SNX8: variants seen among roughly 807,000 people sequenced by gnomAD.
SNX8 encodes the protein sorting nexin 8.
SNX8 carries 25 observed loss-of-function variants against 51.6 expected under a neutral mutation model. That is an observed-to-expected ratio of 0.48 (90% CI 0.35 to 0.68). SNX8 has a LOEUF of 0.68. Among genes scored for constraint, SNX8 ranks in the 30% least tolerant of loss-of-function variants. SNX8 has a pLI of 0.00. For synonymous variants in SNX8, 324 were observed against 277.0 expected (o/e 1.17, Z -1.68); for missense variants, 695 against 624.0 (o/e 1.11, Z -1.21).
At position 2,257,769 on chromosome 7, in the gene SNX8, A is replaced by G. The variant is rs1411209301; in HGVS notation, c.950T>C (p.Leu317Pro). ...KQEENDVVEK[L>P]NLFLDLLQSY... ...CTGCAGCAGATCCAAGAAGAGGTTC[A>G]GCTTCTCCACCACGTCGTTCTCTTC... The change falls in exon 8 of 11, where the codon CTG becomes CCG. Residue 317 changes from leucine (L) to proline (P), a missense_variant. Leu to Pro is a moderately conservative substitution (Grantham distance 98). Coordinates refer to ENST00000222990, the MANE Select transcript of SNX8 (RefSeq NM_013321.4). 2 of 1,613,928 alleles carry G rather than the reference A, an allele frequency of 1.2e-6. No individual in the cohort carries two copies. Among genetic ancestry groups the G allele is most frequent in the Non-Finnish European group, 1.7e-6 (2 of 1,179,986 alleles).
At chr7:2,306,275 A>G (rs984067122) in intron 1 of SNX8, among the ~76,000 whole-genome samples, 1 of 151,880 alleles carries the variant, frequency 6.6e-6, no homozygotes, top group South Asian at 2.1e-4. Flanking sequence ...TTACAGGCGC[A>G]TGCCACCAAG....
At chr7:2,286,982 T>C (rs1796044209) in intron 1 of SNX8, among the ~76,000 whole-genome samples, 1 of 150,688 alleles carries the variant, frequency 6.6e-6, no homozygotes, top group Admixed American at 6.6e-5. Context: ...CTACTAAACA[T>C]ACAAAAATTA....
chr7:2,314,361 C>G lies in SNX8; in HGVS notation c.61G>C (p.Glu21Gln). The G allele has an allele frequency of 8.2e-7, 1 of 1,224,256 alleles. No individual in the cohort carries two copies. Among genetic ancestry groups the G allele is most frequent in the Non-Finnish European group, 1.0e-6 (1 of 982,710 alleles). 75.8% of individuals were successfully genotyped at this position (1,224,256 alleles called of 1,614,324 possible). Reference sequence around the variant, plus strand: ...GGGGGATCCGCCTCCTCGTCAGCCTCCGCCTCAGCTGCCGCCCCGACTGCA... The same window carrying G: ...GGGGGATCCGCCTCCTCGTCAGCCTGCGCCTCAGCTGCCGCCCCGACTGCA... ...AAAVGAAAEAEADEEADPPAS... is the reference protein window; with the variant it reads ...AAAVGAAAEAQADEEADPPAS... Residue 21 changes from glutamate to glutamine, a missense_variant, in exon 1 of 11, where the codon GAG (glutamate) becomes CAG (glutamine). Coordinates refer to ENST00000222990, the MANE Select transcript of SNX8 (RefSeq NM_013321.4).
intron 1 of SNX8, among the ~76,000 whole-genome samples, chr7:2,321,201 C>T (rs10230223): frequency 0.029 from 4,336 of 152,028 alleles, 214 homozygotes; most frequent in African/African-American, 0.099. Context: ...CAGGTGGGAA[C>T]GTGAGGGCTG....
At chr7:2,325,484 G>T (rs1778606617) in intron 1 of SNX8, among the ~76,000 whole-genome samples, 1 of 152,076 alleles carries the variant, frequency 6.6e-6, no homozygotes, top group African/African-American at 2.4e-5. Flanking sequence ...ACAGACTCTT[G>T]GTAACAATAC....
intron 4 of SNX8, among the ~76,000 whole-genome samples, chr7:2,270,314 C>CTAAAA (rs559183262): frequency 1.8e-5 from 1 of 57,088 alleles, no homozygotes; most frequent in Non-Finnish European, 2.8e-5. Context: ...TCTCATTTTA[C>CTAAAA]AAAAAAAAAA....
At chr7:2,262,112 A>G (rs1795350950) in intron 7 of SNX8, among the ~76,000 whole-genome samples, 1 of 152,206 alleles carries the variant, frequency 6.6e-6, no homozygotes, top group African/African-American at 2.4e-5. Context: ...ATCATGGCTC[A>G]CTGAAGCCTC....
At chr7:2,311,002 T>C (rs1305040153) in intron 1 of SNX8, among the ~76,000 whole-genome samples, 2 of 152,200 alleles carry the variant, frequency 1.3e-5, no homozygotes, top group Admixed American at 6.5e-5. Flanking sequence ...TAATCTACAA[T>C]GTTCTATTCT....
intron 10 of SNX8, among the ~76,000 whole-genome samples, chr7:2,255,632 G>A (rs761952794): frequency 3.3e-5 from 5 of 152,188 alleles, no homozygotes; most frequent in African/African-American, 9.6e-5. Context: ...CCAGCTACTC[G>A]GGAGGTTGAG....
chr7:2,305,897 G>A (rs760463257), intron 1 of SNX8, among the ~76,000 whole-genome samples: 1 of 151,892 alleles, frequency 6.6e-6, no homozygotes, highest in Non-Finnish European at 1.5e-5. Flanking sequence ...CCTCAGCAAC[G>A]TAGTGAGTCC....
intron 1 of SNX8, among the ~76,000 whole-genome samples, chr7:2,332,062 A>G (rs1478221454): frequency 6.6e-6 from 1 of 151,564 alleles, no homozygotes; most frequent in East Asian, 1.9e-4. Flanking sequence ...CAAAAATTAA[A>G]TGGGCATGTC....
At chr7:2,299,375 G>A (rs566766350) in intron 1 of SNX8, 1 of 147,954 alleles carries the variant, frequency 6.8e-6, no homozygotes, top group South Asian at 2.3e-4. Flanking sequence ...ACTCAAATCA[G>A]AGTCAAGGGA....
At chr7:2,351,909 T>TTTG (rs1297470813) in intron 1 of SNX8, among the ~76,000 whole-genome samples, 1,256 of 103,314 alleles carry the variant, frequency 0.012, 33 homozygotes, top group African/African-American at 0.03. Flanking sequence ...TTGTTGGTTT[T>TTTG]TTTTTTTTTT....
At chr7:2,297,218 C>A (rs1183468982) in intron 1 of SNX8, among the ~76,000 whole-genome samples, 1 of 151,790 alleles carries the variant, frequency 6.6e-6, no homozygotes, top group Admixed American at 6.6e-5. Flanking sequence ...ATCCAGTAGT[C>A]CCACTACTGG....
At chr7:2,319,883 G>A (rs1221642991) in intron 1 of SNX8, among the ~76,000 whole-genome samples, 1 of 151,748 alleles carries the variant, frequency 6.6e-6, no homozygotes, top group African/African-American at 2.4e-5. Context: ...AGGAGGCTGA[G>A]GCAAGAGAAT....
intron 1 of SNX8, among the ~76,000 whole-genome samples, chr7:2,306,226 C>T (rs956750105): frequency 5.3e-5 from 8 of 152,148 alleles, no homozygotes; most frequent in Non-Finnish European, 1.2e-4. Flanking sequence ...ACTGCAACCT[C>T]GAGCAATTCT....
intron 1 of SNX8, among the ~76,000 whole-genome samples, chr7:2,335,720 G>A (rs1053251156): frequency 5.4e-5 from 8 of 147,712 alleles, no homozygotes; most frequent in Non-Finnish European, 7.5e-5. Context: ...GGCGAATGGC[G>A]TGAACCTGGG....
Position 2,263,426 on chromosome 7 carries a change from C to T in SNX8, c.783-64G>A. On this transcript the variant is annotated intron_variant, in intron 6 of 10. Coordinates refer to ENST00000222990, the MANE Select transcript of SNX8 (RefSeq NM_013321.4). ...CCTGGAGCTCACCTGGCAGTCGAGT[C>T]TGGCATCCCCCCCGACAGATGTCCT... 6 of 1,491,498 alleles carry T rather than the reference C, an allele frequency of 4.0e-6. No individual in the cohort carries two copies. The South Asian group carries it at 7.5e-5, about 19-fold the overall frequency. 92.4% of individuals were successfully genotyped at this position (1,491,498 alleles called of 1,614,324 possible).
At chr7:2,280,590 A>T (rs1795886113) in intron 1 of SNX8, among the ~76,000 whole-genome samples, 1 of 152,230 alleles carries the variant, frequency 6.6e-6, no homozygotes, top group South Asian at 2.1e-4. Flanking sequence ...TAAACTCAGT[A>T]ATGATTACCA....
Sources: gnomAD v4.1 joint callset for allele counts (sites outside exome capture counted in the v4.1 genomes callset) on GRCh38, gnomAD v4.1.1 for gene constraint, MANE v1.5 for transcripts, NCBI Gene and HGNC (gene_info 2026-07-23, HGNC 2026-07-21) for gene names.